GTF2F2: variants seen among roughly 807,000 people sequenced by gnomAD.
GTF2F2 encodes ATP-dependent helicase GTF2F2.
A neutral mutation model predicts 42.2 loss-of-function variants in GTF2F2; 23 were observed. The observed-to-expected ratio is 0.55, with a 90% confidence interval of 0.39 to 0.77. The LOEUF is 0.77. GTF2F2 is among the 30% of genes least tolerant of loss of function. The pLI is 0.00. For missense variants in GTF2F2, 261 were observed against 287.2 expected, an observed-to-expected ratio of 0.91 and a Z score of 0.66; for synonymous variants, 105 against 100.8, an observed-to-expected ratio of 1.04 and a Z score of -0.25.
At chr13:45,160,620 A>G (rs2138131388) in intron 4 of GTF2F2, among the ~76,000 whole-genome samples, 1 of 152,310 alleles carries the variant, frequency 6.6e-6, no homozygotes, top group South Asian at 2.1e-4. Context: ...AAAAATTTAC[A>G]TTCATTAGCA....
At chr13:45,240,915 G>T (rs1017538266) in intron 5 of GTF2F2, among the ~76,000 whole-genome samples, 1 of 151,244 alleles carries the variant, frequency 6.6e-6, no homozygotes, top group Non-Finnish European at 1.5e-5. Flanking sequence ...CCAGGTGGGC[G>T]GATCACTTGA....
chr13:45,191,224 A>AAAAAATATATATAT, intron 4 of GTF2F2, among the ~76,000 whole-genome samples: 21 of 75,312 alleles, frequency 2.8e-4, no homozygotes, highest in African/African-American at 6.0e-4. Flanking sequence ...ACAAAAAAAA[A>AAAAAATATATATAT]ATATATATAT....
chr13:45,175,780 A>C (rs1252785959), intron 4 of GTF2F2, among the ~76,000 whole-genome samples: 2 of 151,904 alleles, frequency 1.3e-5, no homozygotes, highest in East Asian at 3.9e-4. Context: ...GCGCCGCTAC[A>C]CCTGGCTAAT....
intron 4 of GTF2F2, among the ~76,000 whole-genome samples, chr13:45,176,208 A>G (rs1251113526): frequency 6.6e-6 from 1 of 152,196 alleles, no homozygotes; most frequent in Non-Finnish European, 1.5e-5. Context: ...TATATCTTCA[A>G]TTCTGGTTGA....
At chr13:45,233,389 A>G (rs1874788524) in intron 5 of GTF2F2, among the ~76,000 whole-genome samples, 1 of 152,260 alleles carries the variant, frequency 6.6e-6, no homozygotes, top group South Asian at 2.1e-4. Context: ...ATAATTAACC[A>G]GAAGAAACAT....
chr13:45,140,497 T>C (rs529733486), intron 2 of GTF2F2, among the ~76,000 whole-genome samples: 1 of 152,244 alleles, frequency 6.6e-6, no homozygotes, highest in African/African-American at 2.4e-5. Flanking sequence ...TTAGATTTCT[T>C]ATCCTAAAAG....
At chr13:45,252,277 G>C (rs1566151696) in intron 5 of GTF2F2, among the ~76,000 whole-genome samples, 1 of 151,900 alleles carries the variant, frequency 6.6e-6, no homozygotes, top group Non-Finnish European at 1.5e-5. Context: ...TGAGTAACTA[G>C]GACTACAGGC....
chr13:45,136,076 A>G (rs1593447993), intron 1 of GTF2F2, among the ~76,000 whole-genome samples: 1 of 152,256 alleles, frequency 6.6e-6, no homozygotes, highest in East Asian at 1.9e-4. Context: ...CCTGGGTTCA[A>G]ATCCTGTCTC....
intron 7 of GTF2F2, among the ~76,000 whole-genome samples, chr13:45,275,548 C>A (rs537723720): frequency 6.7e-6 from 1 of 149,038 alleles, no homozygotes; most frequent in African/African-American, 2.5e-5. Flanking sequence ...TGAGAACATG[C>A]GGTATTTGGT....
intron 5 of GTF2F2, among the ~76,000 whole-genome samples, chr13:45,228,687 T>TTTTTTTTTTTG (rs1874504585): frequency 6.7e-6 from 1 of 148,938 alleles, no homozygotes; most frequent in African/African-American, 2.5e-5. Context: ...TTTTTTTTTT[T>TTTTTTTTTTTG]GAGACGGAGT....
Position 45,149,761 on chromosome 13 carries a change from C to G in GTF2F2, c.141-9C>G, listed in dbSNP as rs765502653. ...AATTATTTTAAATATTTCTTTTCCTCTCCTTTAGGACTCAAGGAAGGACTG... is the reference window on the plus strand; with the variant it reads ...AATTATTTTAAATATTTCTTTTCCTGTCCTTTAGGACTCAAGGAAGGACTG... On this transcript the variant is annotated splice_polypyrimidine_tract_variant and intron_variant, in intron 2 of 7. Coordinates refer to ENST00000340473, the MANE Select transcript of GTF2F2 (RefSeq NM_004128.3). The G allele has an allele frequency of 1.1e-5, 17 of 1,503,698 alleles. No homozygotes were observed. The Admixed American group carries it at 3.6e-4, about 32-fold the overall frequency. The allele number at this position is 1,503,698 out of a possible 1,614,324, so 93.1% of individuals were successfully genotyped here.
At chr13:45,221,030 C>G (rs1305678994) in intron 5 of GTF2F2, 3 of 152,096 alleles carry the variant, frequency 2.0e-5, no homozygotes, top group Non-Finnish European at 4.4e-5. Context: ...CTAGACCCCT[C>G]TAGACCTCTC....
At chr13:45,282,105 G>A (rs771946281) in intron 7 of GTF2F2, among the ~76,000 whole-genome samples, 14 of 152,148 alleles carry the variant, frequency 9.2e-5, no homozygotes, top group Non-Finnish European at 1.5e-4. Flanking sequence ...GGAGGAGGCA[G>A]GAGAATCGCT....
Position 45,151,911 on chromosome 13 carries a change from C to CTTT in GTF2F2, c.304+99_304+101dup, listed in dbSNP as rs773005628. On this transcript the variant is annotated intron_variant, in intron 4 of 7. Coordinates refer to ENST00000340473, the MANE Select transcript of GTF2F2 (RefSeq NM_004128.3). Reference sequence around the variant, plus strand: ...CTGTCTCAACATACACTCCTATTTGCTTTTTTTTTTTTTTTTTTTTTGCGA... The same window carrying CTTT: ...CTGTCTCAACATACACTCCTATTTGCTTTTTTTTTTTTTTTTTTTTTTTTGCGA... 279 of 142,178 alleles carry CTTT rather than the reference C, an allele frequency of 2.0e-3. 1 individual carries two copies. The highest frequency in any genetic ancestry group is 4.5e-3 in the African/African-American group (98 of 21,944). The allele number at this position is 142,178 out of a possible 1,614,324, so 8.8% of individuals were successfully genotyped here.
intron 6 of GTF2F2, 54 bp from the exon 7 acceptor site, chr13:45,267,179 T>A: frequency 6.8e-7 from 1 of 1,478,872 alleles, no homozygotes; most frequent in South Asian, 1.2e-5. Flanking sequence ...TGCCTGTGTT[T>A]TAGAGTGAGC....
intron 5 of GTF2F2, among the ~76,000 whole-genome samples, chr13:45,214,591 A>G (rs564982855): frequency 7.9e-4 from 121 of 152,298 alleles, no homozygotes; most frequent in Non-Finnish European, 1.5e-3. Flanking sequence ...CTTTTTCTTT[A>G]TCTGACATTA....
intron 1 of GTF2F2, among the ~76,000 whole-genome samples, chr13:45,127,950 T>TC (rs1869120895): frequency 7.6e-6 from 1 of 130,916 alleles, no homozygotes; most frequent in African/African-American, 2.9e-5. Context: ...TTTTTTTTTT[T>TC]TTTTTTTTTT....
intron 1 of GTF2F2, among the ~76,000 whole-genome samples, chr13:45,132,226 C>T (rs1319740406): frequency 6.6e-6 from 1 of 152,170 alleles, no homozygotes; most frequent in Non-Finnish European, 1.5e-5. Context: ...GCTGGGACTC[C>T]TGGCATGGCT....
chr13:45,278,025 A>G (rs1374816201), intron 7 of GTF2F2, among the ~76,000 whole-genome samples: 1 of 152,236 alleles, frequency 6.6e-6, no homozygotes, highest in East Asian at 1.9e-4. Context: ...ATTTAGATAT[A>G]ATTGATTTAT....
Sources: gnomAD v4.1 joint callset for allele counts (sites outside exome capture counted in the v4.1 genomes callset) on GRCh38, gnomAD v4.1.1 for gene constraint, MANE v1.5 for transcripts, NCBI Gene and HGNC (gene_info 2026-07-23, HGNC 2026-07-21) for gene names.